The following TTLL3 variants were observed in gnomAD, a reference collection of about 807,000 sequenced individuals.
TTLL3 encodes the protein tubulin monoglycylase TTLL3.
Under a neutral mutation model 75.2 loss-of-function variants are expected in TTLL3, and 63 were observed. The ratio of observed to expected loss-of-function variants is 0.84; its 90% CI spans 0.68 to 1.03. TTLL3 has a LOEUF of 1.03. Ranked by LOEUF, TTLL3 falls within the 50% of genes least tolerant of loss-of-function variation. TTLL3 has a pLI of 0.00. For synonymous variants in TTLL3, 393 were observed against 418.5 expected (o/e 0.94, Z 0.74); for missense variants, 997 against 1,069.9 (o/e 0.93, Z 0.95).
intron 2 of TTLL3, among the ~76,000 whole-genome samples, chr3:9,812,098 C>T (rs930533372): frequency 7.9e-5 from 12 of 152,180 alleles, no homozygotes; most frequent in African/African-American, 2.2e-4. Flanking sequence ...ATTGGCCAGA[C>T]GCGGTGGCTT....
At chr3:9,835,006 C>G in intron 13 of TTLL3, 88 bp from the exon 14 acceptor site, 1 of 1,600,128 alleles carries the variant, frequency 6.2e-7, no homozygotes, top group African/African-American at 1.3e-5. Flanking sequence ...CTGGCTGGCA[C>G]CCCAAGGGAA....
chr3:9,810,856 C>T lies in TTLL3; in HGVS notation c.48+147C>T. ...CAACCACCACACCCATCTTCAACTACCTCCCCGTTTACCCCTTCAGCACCA... is the reference window on the plus strand; with the variant it reads ...CAACCACCACACCCATCTTCAACTATCTCCCCGTTTACCCCTTCAGCACCA... On this transcript the variant is annotated intron_variant, in intron 2 of 13. Coordinates refer to ENST00000685419, the MANE Select transcript of TTLL3 (RefSeq NM_001387446.1). The surrounding 1 kb of genome is among the most constrained non-coding windows in gnomAD (Gnocchi z 4.4). 2 of 756,584 alleles carry T rather than the reference C, an allele frequency of 2.6e-6. No individual in the cohort carries two copies. The highest frequency in any genetic ancestry group is 4.2e-6 in the Non-Finnish European group (2 of 478,554). 46.9% of individuals were successfully genotyped at this position (756,584 alleles called of 1,614,324 possible). A position where few individuals can be genotyped will look rare whatever the true frequency, so the allele number is the denominator to read the frequency against.
At position 9,810,797 on chromosome 3, in the gene TTLL3, C is replaced by A. The variant is rs2079281590; in HGVS notation, c.48+88C>A. 4.8e-6 allele frequency: 6 copies of A among 1,237,884 alleles called. No homozygotes were observed. The South Asian group carries it at 5.9e-5, about 12-fold the overall frequency. The allele number at this position is 1,237,884 out of a possible 1,614,324, so 76.7% of individuals were successfully genotyped here. On this transcript the variant is annotated intron_variant, in intron 2 of 13. Coordinates refer to ENST00000685419, the MANE Select transcript of TTLL3 (RefSeq NM_001387446.1). The surrounding 1 kb of genome is among the most constrained non-coding windows in gnomAD (Gnocchi z 4.4). ...GCTGTTTTCTTATATCCTTAAAAAA[C>A]AAAAGCAAAAGAAAAAACAATAGCA...
intron 7 of TTLL3, chr3:9,820,022 G>A (rs2124826903): frequency 1.0e-6 from 1 of 988,514 alleles, no homozygotes; most frequent in Non-Finnish European, 1.2e-6. Context: ...GTCAGTTTCT[G>A]TAATCACTTT....
At chr3:9,831,577 G>C (rs1061154) in intron 11 of TTLL3, among the ~76,000 whole-genome samples, 96,698 of 152,048 alleles carry the variant, frequency 0.64, 31,781 homozygotes, top group Non-Finnish European at 0.71. Flanking sequence ...GTAAGGTGCT[G>C]TGTTGGCTCT....
At chr3:9,828,697 G>A (rs1273607861) in intron 10 of TTLL3, 1 of 516,436 alleles carries the variant, frequency 1.9e-6, no homozygotes, top group East Asian at 3.3e-5. Flanking sequence ...ATGGTTAACT[G>A]AGACTATGCA....
intron 4 of TTLL3, 39 bp from the exon 5 acceptor site, chr3:9,816,035 C>A: frequency 7.5e-7 from 1 of 1,333,404 alleles, no homozygotes; most frequent in South Asian, 1.2e-5. Flanking sequence ...CTGCTACCCA[C>A]ACTGGCCTCT....
rs555011908 is a variant in TTLL3, at chr3:9,827,455, T to C, written c.1247+215T>C. ...TCTCACTCTGTTACCTAGGCTGGAG[T>C]GCAGTGGCATGGTCACGGCTCACTG... On this transcript the variant is annotated intron_variant, in intron 10 of 13. Transcript: ENST00000685419. The C allele has an allele frequency of 1.8e-4, 142 of 790,580 alleles. 2 individuals are homozygous for C. The East Asian group carries it at 4.2e-3, about 23-fold the overall frequency. 49.0% of individuals were successfully genotyped at this position (790,580 alleles called of 1,614,324 possible).
rs1208714170 is a variant in TTLL3, at chr3:9,825,430, A to C, written c.855-370A>C. On this transcript the variant is annotated intron_variant, in intron 8 of 13. Coordinates refer to ENST00000685419, the MANE Select transcript of TTLL3 (RefSeq NM_001387446.1). ...AGGGCATTCGTGAAAATATATGGAA[A>C]GCCCTTGTCACAATGCCTGGCACAT... is the stretch of plus-strand genomic sequence containing the variant. 5 of 297,766 alleles carry C rather than the reference A, an allele frequency of 1.7e-5. No individual in the cohort carries two copies. The East Asian group carries it at 4.4e-4, about 26-fold the overall frequency. The allele number at this position is 297,766 out of a possible 1,614,324, so 18.4% of individuals were successfully genotyped here. A position where few individuals can be genotyped will look rare whatever the true frequency, so the allele number is the denominator to read the frequency against.
At chr3:9,831,981 G>A (rs2081585329) in intron 11 of TTLL3, among the ~76,000 whole-genome samples, 2 of 150,940 alleles carry the variant, frequency 1.3e-5, no homozygotes, top group African/African-American at 4.9e-5. Context: ...AGTAGAGATG[G>A]GGTTTCGCCA....
chr3:9,819,084 C>T (rs376678599), intron 7 of TTLL3, 164 bp downstream of exon 7: 21 of 897,164 alleles, frequency 2.3e-5, no homozygotes, highest in African/African-American at 1.7e-4. Flanking sequence ...ATCCACCAGC[C>T]ATCCATCCAC....
chr3:9,817,648 G>C lies in TTLL3; in HGVS notation c.448G>C (p.Gly150Arg), dbSNP rs183725493. 1.2e-5 allele frequency: 19 copies of C among 1,614,074 alleles called. No individual in the cohort carries two copies. The East Asian group carries it at 3.8e-4, about 32-fold the overall frequency. ...CTCTCAGTGGCTAACTCCGTAGGTGGGTCTATGTCTCAATCTCCGGAATTT... is the reference window on the plus strand; with the variant it reads ...CTCTCAGTGGCTAACTCCGTAGGTGCGTCTATGTCTCAATCTCCGGAATTT... ...ARAGSFTTKV[G>R]LCLNLRNLPW... is the part of the protein sequence containing the mutation. The change falls in exon 6 of 14, where the codon GGT (glycine) becomes CGT (arginine). Residue 150 changes from glycine (G) to arginine (R), a missense_variant. By Grantham distance (125) the Gly-to-Arg change is moderately radical (BLOSUM62 -2). Coordinates refer to ENST00000685419, the MANE Select transcript of TTLL3 (RefSeq NM_001387446.1).
At chr3:9,810,100 G>A (rs1387215477), upstream of TTLL3, 1 of 1,430,778 alleles carries the variant, frequency 7.0e-7, no homozygotes, top group East Asian at 3.0e-5. The surrounding 1 kb of genome is among the most constrained non-coding windows in gnomAD (Gnocchi z 4.4). Flanking sequence ...GGAGGGCGGC[G>A]CGGTGTGCAA....
At chr3:9,824,752 T>G (rs1575395300) in intron 8 of TTLL3, among the ~76,000 whole-genome samples, 1 of 141,652 alleles carries the variant, frequency 7.1e-6, no homozygotes, top group African/African-American at 2.6e-5. Flanking sequence ...TTTTTTTTTT[T>G]TTTTTTGAGA....
chr3:9,834,566 G>A (rs918122440), intron 12 of TTLL3, 115 bp from the exon 13 acceptor site: 11 of 1,504,328 alleles, frequency 7.3e-6, no homozygotes, highest in South Asian at 2.4e-5. Context: ...GGAGGGCTCC[G>A]TCGGCCTTCA....
intron 11 of TTLL3, among the ~76,000 whole-genome samples, chr3:9,830,066 C>T (rs2081379047): frequency 6.6e-6 from 1 of 152,202 alleles, no homozygotes; most frequent in African/African-American, 2.4e-5. Flanking sequence ...TGGTCTCGAG[C>T]TCCTGACCTC....
At chr3:9,810,082 T>C, upstream of TTLL3, 1 of 1,376,950 alleles carries the variant, frequency 7.3e-7, no homozygotes, top group Non-Finnish European at 9.3e-7. This position sits in a 1 kb window ranked among gnomAD's most constrained non-coding sequence, Gnocchi z 4.4. Context: ...GGCCTCCTGG[T>C]ACCGCCAGGA....
chr3:9,820,866 G>T, intron 8 of TTLL3, 125 bp downstream of exon 8: 2 of 1,440,608 alleles, frequency 1.4e-6, no homozygotes, highest in South Asian at 1.4e-5. Flanking sequence ...TTCTGCTCAG[G>T]AACCCTCGAG....
intron 8 of TTLL3, chr3:9,821,014 C>A (rs2080361840): frequency 2.2e-6 from 1 of 452,676 alleles, no homozygotes; most frequent in South Asian, 4.9e-5. Context: ...GTTAATTCTA[C>A]AGGAAGTAAA....
Sources: gnomAD v4.1 joint callset for allele counts (sites outside exome capture counted in the v4.1 genomes callset) on GRCh38, gnomAD v4.1.1 for gene constraint, Gnocchi (gnomAD v3.1) non-coding constraint, MANE v1.5 for transcripts, NCBI Gene and HGNC (gene_info 2026-07-23, HGNC 2026-07-21) for gene names.